Variants in GPR139 observed in about 807,000 individuals in gnomAD.
GPR139 encodes G protein-coupled receptor 139.
Under a neutral mutation model 25.8 loss-of-function variants are expected in GPR139, and 12 were observed. The observed-to-expected ratio is 0.47, with a 90% CI of 0.30 to 0.75. The LOEUF (loss-of-function observed/expected upper bound fraction) is 0.75. GPR139 is among the 30% of genes least tolerant of loss of function. The probability of loss-of-function intolerance (pLI) is 0.07; values close to 1 mark genes in which losing one functional copy is unlikely to be tolerated. For synonymous variants in GPR139, 184 were observed against 179.9 expected (o/e 1.02, Z -0.18); for missense variants, 380 against 450.2 (o/e 0.84, Z 1.41).
At position 20,057,651 on chromosome 16, in the gene GPR139, C is replaced by T. The variant is rs574047400; in HGVS notation, c.127+15839G>A. The stretch of plus-strand genomic sequence containing the variant: ...ACCCATCCATCCATCCAATACCTAC[C>T]AGGCCCCCTACCATGTGCCAAGGCC... On this transcript the variant is annotated intron_variant, in intron 1 of 1. Coordinates refer to ENST00000570682, the MANE Select transcript of GPR139 (RefSeq NM_001002911.4). Among the ~76,000 whole-genome samples the T allele has an allele frequency of 5.9e-5, 9 of 152,056 alleles. No homozygotes were observed. The South Asian group carries it at 1.9e-3, about 32-fold the overall frequency.
intron 1 of GPR139, among the ~76,000 whole-genome samples, chr16:20,052,913 C>T (rs909562655): frequency 6.6e-6 from 1 of 151,622 alleles, no homozygotes; most frequent in Non-Finnish European, 1.5e-5. Flanking sequence ...AGGTTTGTTA[C>T]GTAGATAAAT....
At chr16:20,039,929 G>T (rs2057324295) in intron 1 of GPR139, among the ~76,000 whole-genome samples, 1 of 152,100 alleles carries the variant, frequency 6.6e-6, no homozygotes, top group African/African-American at 2.4e-5. Context: ...AATACATTAT[G>T]GCAGGACTGA....
intron 1 of GPR139, among the ~76,000 whole-genome samples, chr16:20,042,161 T>C (rs2057338749): frequency 6.6e-6 from 1 of 152,116 alleles, no homozygotes; most frequent in Admixed American, 6.5e-5. Flanking sequence ...TCGTAATAAA[T>C]AGTACCCACA....
At chr16:20,061,932 C>T (rs958335722) in intron 1 of GPR139, among the ~76,000 whole-genome samples, 5 of 152,154 alleles carry the variant, frequency 3.3e-5, no homozygotes, top group Non-Finnish European at 1.5e-5. Flanking sequence ...TGTATGCATC[C>T]CCGGGGAATT....
chr16:20,044,563 G>C (rs1029824438), intron 1 of GPR139, among the ~76,000 whole-genome samples: 1 of 152,140 alleles, frequency 6.6e-6, no homozygotes, highest in Non-Finnish European at 1.5e-5. Flanking sequence ...GAATGGCAAC[G>C]TGCAAAGGTA....
intron 1 of GPR139, among the ~76,000 whole-genome samples, chr16:20,071,758 T>C (rs1305109294): frequency 2.0e-5 from 3 of 152,290 alleles, no homozygotes; most frequent in African/African-American, 7.2e-5. Context: ...CCTAAGTTTT[T>C]CCTCATTTTC....
intron 1 of GPR139, among the ~76,000 whole-genome samples, chr16:20,059,036 G>A (rs1567239411): frequency 6.6e-6 from 1 of 152,180 alleles, no homozygotes; most frequent in South Asian, 2.1e-4. Flanking sequence ...GGTGGCTGGG[G>A]TGGGAGGAGG....
rs1183053524 is a variant in GPR139, at chr16:20,031,085, C to T, written c.*650G>A. On this transcript the variant is annotated 3_prime_UTR_variant, in exon 2 of 2. Coordinates refer to ENST00000570682, the MANE Select transcript of GPR139 (RefSeq NM_001002911.4). Reference sequence around the variant, plus strand: ...AAATAGAAAACTGCCTTTTAGACCCCAGGTTTGAGGTCACAGCTATGCGGG... The same window carrying T: ...AAATAGAAAACTGCCTTTTAGACCCTAGGTTTGAGGTCACAGCTATGCGGG... Among the ~76,000 whole-genome samples the T allele has an allele frequency of 1.3e-5, 2 of 152,012 alleles. No homozygotes were observed. The highest frequency in any genetic ancestry group is 4.8e-5 in the African/African-American group (2 of 41,366).
Position 20,073,763 on chromosome 16 carries a change from G to T in GPR139, c.-147C>A, listed in dbSNP as rs2057470040. 9.6e-7 allele frequency: 1 copy of T among 1,041,044 alleles called. No individual in the cohort carries two copies. The highest frequency in any genetic ancestry group is 1.7e-5 in the South Asian group (1 of 58,502). 64.5% of individuals were successfully genotyped at this position (1,041,044 alleles called of 1,614,324 possible). A position where few individuals can be genotyped will look rare whatever the true frequency, so the allele number is the denominator to read the frequency against. On this transcript the variant is annotated 5_prime_UTR_variant, in exon 1 of 2. Coordinates refer to ENST00000570682, the MANE Select transcript of GPR139 (RefSeq NM_001002911.4). The surrounding 1 kb of genome is among the most constrained non-coding windows in gnomAD (Gnocchi z 4.7). ...GCAGGACTGGCTCCTACCCTTGGCC[G>T]TGATCCCCTCTGCTCGCTCCGCACC...
intron 1 of GPR139, among the ~76,000 whole-genome samples, chr16:20,050,604 C>A (rs1241229001): frequency 1.3e-5 from 2 of 152,192 alleles, no homozygotes; most frequent in East Asian, 1.9e-4. Flanking sequence ...CATCTGCTCA[C>A]CCTCACCCAA....
intron 1 of GPR139, among the ~76,000 whole-genome samples, chr16:20,061,143 G>A (rs943573862): frequency 1.3e-5 from 2 of 152,042 alleles, no homozygotes; most frequent in African/African-American, 4.8e-5. Flanking sequence ...CACGTACCTA[G>A]CATGGTGCCT....
intron 1 of GPR139, among the ~76,000 whole-genome samples, chr16:20,048,915 C>A (rs2057362843): frequency 6.6e-6 from 1 of 152,180 alleles, no homozygotes; most frequent in African/African-American, 2.4e-5. Context: ...ACTTTCCTAC[C>A]TCCATAGCAT....
intron 1 of GPR139, among the ~76,000 whole-genome samples, chr16:20,039,181 A>G (rs1003219565): frequency 3.3e-5 from 5 of 152,196 alleles, no homozygotes; most frequent in Non-Finnish European, 5.9e-5. Context: ...CATTTCCCGT[A>G]TTTTGCAGCT....
At chr16:20,037,291 A>C (rs1270421729) in intron 1 of GPR139, among the ~76,000 whole-genome samples, 1 of 152,026 alleles carries the variant, frequency 6.6e-6, no homozygotes, top group Non-Finnish European at 1.5e-5. Flanking sequence ...ACCTCTACTA[A>C]AAATACAAAA....
In GPR139 at chr16:20,028,993, A is replaced by C. The variant is rs1374800498; in HGVS notation, c.*2742T>G. 1.3e-5 allele frequency among the ~76,000 whole-genome samples: 2 copies of C among 152,196 alleles called. No homozygotes were observed. Among genetic ancestry groups the C allele is most frequent in the African/African-American group, 2.4e-5 (1 of 41,456 alleles). On this transcript the variant is annotated 3_prime_UTR_variant, in exon 2 of 2. Transcript: ENST00000570682. ...TTTAAAGTTAAAAAAAACCCATTTC[A>C]TGATGTCCATAATTATTACTATAAA...
intron 1 of GPR139, among the ~76,000 whole-genome samples, chr16:20,039,768 A>C (rs2057323759): frequency 6.6e-6 from 1 of 152,170 alleles, no homozygotes; most frequent in African/African-American, 2.4e-5. Context: ...AGAAATTAGA[A>C]GGGGAAAGTC....
At chr16:20,041,493 G>A (rs1332071564) in intron 1 of GPR139, among the ~76,000 whole-genome samples, 2 of 151,884 alleles carry the variant, frequency 1.3e-5, no homozygotes, top group African/African-American at 4.8e-5. Flanking sequence ...ATTGTATGAT[G>A]GGGCACTGCC....
intron 1 of GPR139, among the ~76,000 whole-genome samples, chr16:20,071,570 A>T (rs2057459454): frequency 6.6e-6 from 1 of 152,174 alleles, no homozygotes; most frequent in African/African-American, 2.4e-5. Context: ...ACAACAGCTA[A>T]ATCCTAATCC....
intron 1 of GPR139, among the ~76,000 whole-genome samples, chr16:20,033,221 C>A (rs1315047832): frequency 6.6e-6 from 1 of 151,202 alleles, no homozygotes; most frequent in Non-Finnish European, 1.5e-5. Flanking sequence ...ATTCTCTTCA[C>A]ACAACCGTGA....
Sources: gnomAD v4.1 joint callset for allele counts (sites outside exome capture counted in the v4.1 genomes callset) on GRCh38, gnomAD v4.1.1 for gene constraint, Gnocchi (gnomAD v3.1) non-coding constraint, MANE v1.5 for transcripts, NCBI Gene and HGNC (gene_info 2026-07-23, HGNC 2026-07-21) for gene names.